The following SNTB2 variants were observed in gnomAD, a reference collection of about 807,000 sequenced individuals.
SNTB2 encodes the protein syntrophin beta 2.
Under a neutral mutation model 46.2 loss-of-function variants are expected in SNTB2, and 34 were observed. That is an observed-to-expected ratio of 0.74 (90% confidence interval 0.56 to 0.98). SNTB2 has a LOEUF of 0.98. Ranked by LOEUF, SNTB2 falls within the 50% of genes least tolerant of loss-of-function variation. SNTB2 has a pLI of 0.00. For missense variants in SNTB2, 603 were observed against 731.4 expected (o/e 0.82, Z 2.02); for synonymous variants, 290 against 312.6 (o/e 0.93, Z 0.76).
At chr16:69,287,298 G>A (rs118090249) in intron 5 of SNTB2, among the ~76,000 whole-genome samples, 4,459 of 152,076 alleles carry the variant, frequency 0.029, 92 homozygotes, top group Non-Finnish European at 0.042. Context: ...GGCCGGACGC[G>A]GTGGCTCATG....
chr16:69,193,143 C>A (rs1043352052), intron 1 of SNTB2, among the ~76,000 whole-genome samples: 2 of 151,454 alleles, frequency 1.3e-5, no homozygotes, highest in Non-Finnish European at 2.9e-5. Flanking sequence ...GTAATCTCAG[C>A]ACTTTGGAAG....
intron 3 of SNTB2, among the ~76,000 whole-genome samples, chr16:69,265,742 G>A (rs1567410438): frequency 6.7e-6 from 1 of 149,700 alleles, no homozygotes; most frequent in Non-Finnish European, 1.5e-5. Context: ...CAGGAGAATT[G>A]TTTGAACCTG....
In SNTB2 at chr16:69,306,552, G is replaced by T. The variant is rs1029931492; in HGVS notation, c.*5628G>T. On this transcript the variant is annotated 3_prime_UTR_variant, in exon 7 of 7. Transcript: ENST00000336278. The stretch of plus-strand genomic sequence containing the variant: ...CCATATAAACCATAATCCTTGAATT[G>T]CCCCTTTTAAAATAGATTGGTTAAA... The T allele has an allele frequency of 6.6e-6, 1 of 152,172 alleles. No individual in the cohort carries two copies. The highest frequency in any genetic ancestry group is 2.4e-5 in the African/African-American group (1 of 41,436). 9.4% of individuals were successfully genotyped at this position (152,172 alleles called of 1,614,324 possible). A position where few individuals can be genotyped will look rare whatever the true frequency, so the allele number is the denominator to read the frequency against.
Position 69,195,578 on chromosome 16 carries a change from C to T in SNTB2, c.580+7832C>T, listed in dbSNP as rs558030433. ...ATCTAGGTTTAGGTTCAGTGGGATCCAAAGGCTCAAATTATCTTGGCTGCA... is the reference window on the plus strand; with the variant it reads ...ATCTAGGTTTAGGTTCAGTGGGATCTAAAGGCTCAAATTATCTTGGCTGCA... On this transcript the variant is annotated intron_variant, in intron 1 of 6. Transcript: ENST00000336278. 2.0e-5 allele frequency among the ~76,000 whole-genome samples: 3 copies of T among 152,034 alleles called. No homozygotes were observed. The East Asian group carries it at 5.8e-4, about 29-fold the overall frequency.
intron 1 of SNTB2, among the ~76,000 whole-genome samples, chr16:69,200,348 A>G (rs1413162878): frequency 2.0e-5 from 3 of 152,234 alleles, no homozygotes; most frequent in Non-Finnish European, 4.4e-5. Flanking sequence ...GCACGCTAGT[A>G]TGAAATTATT....
chr16:69,221,419 T>C (rs1597177629), intron 1 of SNTB2, among the ~76,000 whole-genome samples: 1 of 152,196 alleles, frequency 6.6e-6, no homozygotes, highest in African/African-American at 2.4e-5. Context: ...GTTTTACTTA[T>C]AAGAAACTAA....
intron 2 of SNTB2, among the ~76,000 whole-genome samples, chr16:69,256,727 A>G (rs1185584762): frequency 1.3e-5 from 2 of 152,194 alleles, no homozygotes; most frequent in African/African-American, 4.8e-5. Flanking sequence ...ATTGATGGAC[A>G]TTTGGGTTGC....
chr16:69,246,754 A>G (rs1479512666), intron 2 of SNTB2, among the ~76,000 whole-genome samples: 1 of 148,820 alleles, frequency 6.7e-6, no homozygotes, highest in Non-Finnish European at 1.5e-5. Flanking sequence ...TTATTGGTCT[A>G]TTCAGAGATT....
intron 1 of SNTB2, among the ~76,000 whole-genome samples, chr16:69,201,839 G>C (rs957355710): frequency 1.3e-5 from 2 of 151,976 alleles, no homozygotes; most frequent in Non-Finnish European, 2.9e-5. Context: ...TTTTTTTTGA[G>C]TGCCTCTAAA....
intron 3 of SNTB2, among the ~76,000 whole-genome samples, chr16:69,266,162 C>T (rs181036642): frequency 6.6e-6 from 1 of 151,838 alleles, no homozygotes; most frequent in African/African-American, 2.4e-5. Flanking sequence ...GTCAGGAGTT[C>T]GAGACCAGCC....
At chr16:69,266,023 A>G (rs551534984) in intron 3 of SNTB2, among the ~76,000 whole-genome samples, 6 of 152,160 alleles carry the variant, frequency 3.9e-5, no homozygotes, top group Middle Eastern at 3.4e-3. Flanking sequence ...CACATACTAT[A>G]TAGAGCAGAC....
chr16:69,296,418 C>T (rs1965224456), intron 5 of SNTB2, among the ~76,000 whole-genome samples: 1 of 151,702 alleles, frequency 6.6e-6, no homozygotes, highest in South Asian at 2.1e-4. Context: ...CAATCCAAAA[C>T]AGAACATTTA....
intron 3 of SNTB2, among the ~76,000 whole-genome samples, chr16:69,268,503 C>G (rs191523282): frequency 6.6e-6 from 1 of 151,896 alleles, no homozygotes; most frequent in East Asian, 1.9e-4. Context: ...CAATGGAGAA[C>G]TCTTGGAACA....
intron 3 of SNTB2, among the ~76,000 whole-genome samples, chr16:69,266,379 C>T (rs1356000729): frequency 6.6e-6 from 1 of 151,276 alleles, no homozygotes; most frequent in Admixed American, 6.6e-5. Context: ...CAAAACAAAA[C>T]AAAACAAAAC....
At chr16:69,270,395 G>A (rs2143119359) in intron 4 of SNTB2, 110 bp downstream of exon 4, 1 of 1,371,622 alleles carries the variant, frequency 7.3e-7, no homozygotes, top group Non-Finnish European at 1.0e-6. Flanking sequence ...CATTTAAGTA[G>A]CGGATATAGT....
At chr16:69,298,624 C>T (rs1965249296) in intron 5 of SNTB2, among the ~76,000 whole-genome samples, 1 of 147,850 alleles carries the variant, frequency 6.8e-6, no homozygotes, top group South Asian at 2.1e-4. Flanking sequence ...CAGGTGCAAG[C>T]AGTTATCCTG....
At chr16:69,204,435 A>G (rs182810997) in intron 1 of SNTB2, among the ~76,000 whole-genome samples, 2 of 152,338 alleles carry the variant, frequency 1.3e-5, no homozygotes, top group East Asian at 1.9e-4. Context: ...AAAGAAAAAC[A>G]TGTTGAGACA....
intron 1 of SNTB2, among the ~76,000 whole-genome samples, chr16:69,213,854 ACT>A (rs1415020155): frequency 3.9e-5 from 4 of 102,666 alleles, no homozygotes; most frequent in Non-Finnish European, 5.5e-5. Flanking sequence ...TGAGACTCTC[ACT>A]CTGTTGCCCA....
chr16:69,225,458 CGTT>C (rs1567402025), intron 1 of SNTB2, among the ~76,000 whole-genome samples: 2 of 152,108 alleles, frequency 1.3e-5, no homozygotes, highest in African/African-American at 4.8e-5. Flanking sequence ...GTGGAAATTT[CGTT>C]GTCTCGTGGA....
Sources: gnomAD v4.1 joint callset for allele counts (sites outside exome capture counted in the v4.1 genomes callset) on GRCh38, gnomAD v4.1.1 for gene constraint, MANE v1.5 for transcripts, NCBI Gene and HGNC (gene_info 2026-07-23, HGNC 2026-07-21) for gene names.